The following NR3C2 variants were observed in gnomAD, a reference collection of about 807,000 sequenced individuals.
NR3C2 encodes nuclear receptor subfamily 3 group C member 2.
In NR3C2, 15 loss-of-function variants were observed where a neutral mutation model predicts 86.4. The ratio of observed to expected loss-of-function variants is 0.17; its 90% CI spans 0.12 to 0.27. NR3C2 has a LOEUF of 0.27. Ranked by LOEUF, NR3C2 falls within the 10% of genes least tolerant of loss-of-function variation. NR3C2 has a pLI of 1.00. For missense variants in NR3C2, 960 were observed against 1,195.6 expected (o/e 0.80, Z 2.91); for synonymous variants, 458 against 450.5 (o/e 1.02, Z -0.21).
At chr4:148,203,710 C>CA (rs1560975955) in intron 3 of NR3C2, among the ~76,000 whole-genome samples, 1 of 144,504 alleles carries the variant, frequency 6.9e-6, no homozygotes, top group Non-Finnish European at 1.5e-5. Flanking sequence ...CGGTGTCCAA[C>CA]AAGAACTGGT....
chr4:148,267,320 C>G (rs1740448313), intron 2 of NR3C2, among the ~76,000 whole-genome samples: 2 of 147,730 alleles, frequency 1.4e-5, no homozygotes, highest in Admixed American at 6.8e-5. Context: ...AGGTCTTGCT[C>G]TGTTGCCCAG....
chr4:148,327,438 CA>C (rs1744026001), intron 2 of NR3C2, among the ~76,000 whole-genome samples: 1 of 152,036 alleles, frequency 6.6e-6, no homozygotes. Context: ...AAAACAAAAA[CA>C]AAAAGAAACC....
chr4:148,396,912 T>C (rs1463244108), intron 2 of NR3C2, among the ~76,000 whole-genome samples: 2 of 152,192 alleles, frequency 1.3e-5, no homozygotes, highest in Non-Finnish European at 2.9e-5. Flanking sequence ...ACTAAATTTA[T>C]AGAAGTTGAT....
At position 148,287,855 on chromosome 4, in the gene NR3C2, G is replaced by A. The variant is rs72655278; in HGVS notation, c.1758-27738C>T. On this transcript the variant is annotated intron_variant, in intron 2 of 8. Transcript: ENST00000358102. ...ACTGCATCATTCAGAAGTTCTTAACGTCAGACAAAATAAAGGTGCCAACTA... is the reference window on the plus strand; with the variant it reads ...ACTGCATCATTCAGAAGTTCTTAACATCAGACAAAATAAAGGTGCCAACTA... Among the ~76,000 whole-genome samples, 1,129 of 152,172 alleles carry A rather than the reference G, an allele frequency of 7.4e-3. 19 individuals are homozygous for A. Among genetic ancestry groups the A allele is most frequent in the African/African-American group, 0.026 (1,072 of 41,532 alleles).
Position 148,265,263 on chromosome 4 carries a change from A to G in NR3C2, c.1758-5146T>C, listed in dbSNP as rs113393549. On this transcript the variant is annotated intron_variant, in intron 2 of 8. Coordinates refer to ENST00000358102, the MANE Select transcript of NR3C2 (RefSeq NM_000901.5). ...AGTAAAGAGATAGAAAAGATTAACC[A>G]AAGGTTTATACTGATTTTGGTGACA... 5.0e-3 allele frequency among the ~76,000 whole-genome samples: 759 copies of G among 152,322 alleles called. 7 individuals carry two copies. The highest frequency in any genetic ancestry group is 0.018 in the African/African-American group (738 of 41,578).
At chr4:148,119,784 T>TC in intron 7 of NR3C2, among the ~76,000 whole-genome samples, 1 of 82,866 alleles carries the variant, frequency 1.2e-5, no homozygotes, top group African/African-American at 4.2e-5. Flanking sequence ...AGACTTCATC[T>TC]CAAAAAAAAA....
intron 2 of NR3C2, among the ~76,000 whole-genome samples, chr4:148,317,891 A>G (rs1160127444): frequency 1.4e-5 from 2 of 147,268 alleles, no homozygotes. Flanking sequence ...TTTTTTTATT[A>G]TACTTTAAGT....
chr4:148,435,499 A>C lies in NR3C2; in HGVS notation c.1362T>G (p.Asp454Glu), dbSNP rs1015588831. ...CATCCATAAAGGAAAAATACGAGCC[A>C]TCCATAAATGGAAACGGGTTTACTG... ...NPTVNPFPFM[D>E]GSYFSFMDDK... The change falls in exon 2 of 9, where the codon GAT (aspartate) becomes GAG (glutamate). Residue 454 changes from aspartate to glutamate, a missense_variant. Transcript: ENST00000358102. 1 of 1,614,174 alleles carries C rather than the reference A, an allele frequency of 6.2e-7. No individual in the cohort carries two copies. Among genetic ancestry groups the C allele is most frequent in the African/African-American group, 1.3e-5 (1 of 75,060 alleles).
chr4:148,264,439 T>C (rs898821955), intron 2 of NR3C2, among the ~76,000 whole-genome samples: 1 of 152,202 alleles, frequency 6.6e-6, no homozygotes, highest in African/African-American at 2.4e-5. Context: ...GCATGTTTAG[T>C]GATTTGTATG....
intron 3 of NR3C2, among the ~76,000 whole-genome samples, chr4:148,227,503 G>A (rs1337124791): frequency 6.6e-6 from 1 of 151,986 alleles, no homozygotes; most frequent in Admixed American, 6.6e-5. Flanking sequence ...TTCAAGACTA[G>A]GCAAATATTC....
chr4:148,264,869 T>A (rs1280617608), intron 2 of NR3C2, among the ~76,000 whole-genome samples: 7 of 152,190 alleles, frequency 4.6e-5, no homozygotes, highest in African/African-American at 1.7e-4. Flanking sequence ...AATCAGCTAA[T>A]TATATAACAC....
intron 3 of NR3C2, among the ~76,000 whole-genome samples, chr4:148,233,100 T>C (rs550937855): frequency 3.5e-4 from 54 of 152,332 alleles, no homozygotes; most frequent in African/African-American, 1.3e-3. Context: ...TCTGTGAACA[T>C]ACAAATTAAA....
chr4:148,114,955 C>G (rs1273885647), intron 7 of NR3C2, among the ~76,000 whole-genome samples: 4 of 152,154 alleles, frequency 2.6e-5, no homozygotes, highest in African/African-American at 7.2e-5. Flanking sequence ...CAGCACAAGC[C>G]CATAAAGCGT....
At chr4:148,219,938 T>C (rs1262173449) in intron 3 of NR3C2, among the ~76,000 whole-genome samples, 1 of 152,180 alleles carries the variant, frequency 6.6e-6, no homozygotes, top group South Asian at 2.1e-4. Flanking sequence ...TTTTTCTTTG[T>C]TTGAGACAGA....
Position 148,177,413 on chromosome 4 carries a change from C to T in NR3C2, c.2014+17333G>A, listed in dbSNP as rs550478412. On this transcript the variant is annotated intron_variant, in intron 4 of 8. Coordinates refer to ENST00000358102, the MANE Select transcript of NR3C2 (RefSeq NM_000901.5). ...GAAGGAAAGTTAGCTGAATGGTTTT[C>T]GGTACATTCTAGAGCTGAGAACAGA... is the stretch of plus-strand genomic sequence containing the variant. Among the ~76,000 whole-genome samples, 32 of 152,226 alleles carry T rather than the reference C, an allele frequency of 2.1e-4. 1 individual carries two copies. Among genetic ancestry groups the T allele is most frequent in the Middle Eastern group, 6.8e-3 (2 of 294 alleles).
At chr4:148,143,176 C>G (rs923725407) in intron 6 of NR3C2, among the ~76,000 whole-genome samples, 8 of 152,154 alleles carry the variant, frequency 5.3e-5, no homozygotes, top group African/African-American at 1.9e-4. Context: ...CAAGAAGGCT[C>G]GAAAGAGCCA....
chr4:148,294,512 A>C (rs925590987), intron 2 of NR3C2, among the ~76,000 whole-genome samples: 1 of 151,826 alleles, frequency 6.6e-6, no homozygotes, highest in Non-Finnish European at 1.5e-5. Flanking sequence ...GAAACTTCTT[A>C]ACCATAATCA....
chr4:148,281,622 G>C (rs1269614684), intron 2 of NR3C2, among the ~76,000 whole-genome samples: 3 of 152,190 alleles, frequency 2.0e-5, no homozygotes, highest in Non-Finnish European at 4.4e-5. Flanking sequence ...TTTGGCCTGA[G>C]CTTCACTGCT....
intron 6 of NR3C2, among the ~76,000 whole-genome samples, chr4:148,135,345 G>T (rs558361347): frequency 1.3e-5 from 2 of 152,152 alleles, no homozygotes; most frequent in Admixed American, 1.3e-4. Context: ...GGGGTTGAGG[G>T]GGGTGAGTTT....
Sources: gnomAD v4.1 joint callset for allele counts (sites outside exome capture counted in the v4.1 genomes callset) on GRCh38, gnomAD v4.1.1 for gene constraint, MANE v1.5 for transcripts, NCBI Gene and HGNC (gene_info 2026-07-23, HGNC 2026-07-21) for gene names.